ARPP21: variants seen among roughly 807,000 people sequenced by gnomAD.
ARPP21 encodes cAMP-regulated phosphoprotein 21.
Under a neutral mutation model 113.2 loss-of-function variants are expected in ARPP21, and 69 were observed. The ratio of observed to expected loss-of-function variants is 0.61; its 90% CI spans 0.50 to 0.74. The LOEUF (loss-of-function observed/expected upper bound fraction) is 0.74. ARPP21 is among the 30% of genes least tolerant of loss of function. The probability of loss-of-function intolerance (pLI) is 0.00; values close to 1 mark genes in which losing one functional copy is unlikely to be tolerated. For missense variants in ARPP21, 1,070 were observed against 1,037.4 expected (o/e 1.03, Z -0.43); for synonymous variants, 368 against 375.5 (o/e 0.98, Z 0.23).
chr3:35,722,793 C>G (rs555905832), intron 14 of ARPP21, among the ~76,000 whole-genome samples: 10 of 152,252 alleles, frequency 6.6e-5, no homozygotes, highest in Admixed American at 2.0e-4. Context: ...CTGCAAAATG[C>G]CCTCATGGTC....
rs146550436 is a variant in ARPP21, at chr3:35,656,111, A to G, written c.-213+15713A>G. On this transcript the variant is annotated intron_variant, in intron 1 of 20. Transcript: ENST00000684406. ...CATTTAAAAATTATTTTTAAAACAT[A>G]TTTTTAAAGGAGTAGATGAGGATAG... is the stretch of plus-strand genomic sequence containing the variant. Among the ~76,000 whole-genome samples the G allele has an allele frequency of 5.4e-3, 826 of 152,186 alleles. 2 individuals carry two copies. Among genetic ancestry groups the G allele is most frequent in the Non-Finnish European group, 7.9e-3 (535 of 67,966 alleles).
At chr3:35,720,721 A>G (rs891152945) in intron 13 of ARPP21, among the ~76,000 whole-genome samples, 3 of 152,220 alleles carry the variant, frequency 2.0e-5, no homozygotes, top group African/African-American at 7.2e-5. Flanking sequence ...ATTTCGTCAA[A>G]TTTCTCTATA....
In ARPP21 at chr3:35,790,950, G is replaced by A. The variant is rs1194223847; in HGVS notation, c.2138-1432G>A. On this transcript the variant is annotated intron_variant, in intron 19 of 20. Transcript: ENST00000684406. ...ACACTGGTTCCACTTGCCAATTGTAGGCATAGGGCAGACCTCTCAAATTGG... is the reference window on the plus strand; with the variant it reads ...ACACTGGTTCCACTTGCCAATTGTAAGCATAGGGCAGACCTCTCAAATTGG... 4.6e-5 allele frequency among the ~76,000 whole-genome samples: 7 copies of A among 152,188 alleles called. No homozygotes were observed. In the East Asian group the frequency reaches 1.2e-3, roughly 25 times the overall value.
chr3:35,740,569 C>G (rs991030334), intron 18 of ARPP21, among the ~76,000 whole-genome samples: 2 of 152,100 alleles, frequency 1.3e-5, no homozygotes, highest in Non-Finnish European at 2.9e-5. Context: ...TGTAATATCT[C>G]TTCAGAAGTG....
chr3:35,671,112 C>T (rs1239859445), intron 1 of ARPP21, among the ~76,000 whole-genome samples: 1 of 152,132 alleles, frequency 6.6e-6, no homozygotes, highest in African/African-American at 2.4e-5. Flanking sequence ...ACTCCCCTGG[C>T]TGCTTTCCTT....
At chr3:35,664,124 ACC>A (rs940076106) in intron 1 of ARPP21, among the ~76,000 whole-genome samples, 7 of 152,090 alleles carry the variant, frequency 4.6e-5, no homozygotes, top group African/African-American at 1.4e-4. Flanking sequence ...TCTTAATAGA[ACC>A]CTGTGACTTG....
chr3:35,652,128 A>G (rs992538814), intron 1 of ARPP21, among the ~76,000 whole-genome samples: 8 of 152,096 alleles, frequency 5.3e-5, no homozygotes, highest in African/African-American at 1.9e-4. Context: ...GATTCCATGC[A>G]GTATTTTATA....
intron 1 of ARPP21, chr3:35,640,911 T>C (rs1697842688): frequency 6.6e-6 from 1 of 152,108 alleles, no homozygotes; most frequent in South Asian, 2.1e-4. Flanking sequence ...TAGAATTGAG[T>C]TGAATTAGGC....
At chr3:35,684,813 G>T in intron 5 of ARPP21, 1 of 983,116 alleles carries the variant, frequency 1.0e-6, no homozygotes, top group Non-Finnish European at 1.2e-6. Context: ...TTTTTTTCTA[G>T]CATCATTTTC....
chr3:35,675,875 C>T (rs904322708), intron 1 of ARPP21, among the ~76,000 whole-genome samples: 2 of 151,780 alleles, frequency 1.3e-5, no homozygotes, highest in Middle Eastern at 3.4e-3. Flanking sequence ...AAGTACTAAC[C>T]ATGGAATGTT....
At chr3:35,782,772 C>G (rs1331235309) in intron 19 of ARPP21, among the ~76,000 whole-genome samples, 4 of 152,104 alleles carry the variant, frequency 2.6e-5, no homozygotes, top group Non-Finnish European at 5.9e-5. Flanking sequence ...TACATTTATA[C>G]CATGTTAAAA....
chr3:35,734,246 A>G (rs945448083), intron 15 of ARPP21, among the ~76,000 whole-genome samples: 3 of 152,326 alleles, frequency 2.0e-5, no homozygotes, highest in Middle Eastern at 3.4e-3. Context: ...CAAATGAAAC[A>G]CAAGAAAATT....
At chr3:35,763,210 G>A (rs1263548762) in intron 19 of ARPP21, among the ~76,000 whole-genome samples, 3 of 152,000 alleles carry the variant, frequency 2.0e-5, no homozygotes, top group South Asian at 2.1e-4. Context: ...CACTCTTCAG[G>A]TGCGTTAAAA....
intron 19 of ARPP21, among the ~76,000 whole-genome samples, chr3:35,772,585 A>G (rs927439302): frequency 8.5e-5 from 13 of 152,168 alleles, no homozygotes; most frequent in Admixed American, 7.2e-4. Context: ...ATGAGTCAGC[A>G]TCCTCCTGGG....
intron 5 of ARPP21, chr3:35,684,429 T>C (rs1196947980): frequency 1.0e-6 from 1 of 974,040 alleles, no homozygotes; most frequent in Non-Finnish European, 1.2e-6. Flanking sequence ...TACAGCAAGA[T>C]TAGTAGGTTA....
chr3:35,778,054 G>A (rs749069644), intron 19 of ARPP21, among the ~76,000 whole-genome samples: 14 of 152,070 alleles, frequency 9.2e-5, no homozygotes, highest in Non-Finnish European at 1.3e-4. Flanking sequence ...CATATTACCA[G>A]GTGTTAAAAA....
chr3:35,707,306 G>A (rs1334422238), intron 10 of ARPP21: 1 of 638,542 alleles, frequency 1.6e-6, no homozygotes, highest in African/African-American at 1.8e-5. Flanking sequence ...GCTCTGTGTT[G>A]GGCTGCATGG....
intron 9 of ARPP21, among the ~76,000 whole-genome samples, chr3:35,694,040 C>T (rs2083053669): frequency 6.6e-6 from 1 of 151,558 alleles, no homozygotes; most frequent in African/African-American, 2.4e-5. Context: ...TTCAATACTA[C>T]TCTGACATCA....
chr3:35,770,492 C>T (rs1214467402), intron 19 of ARPP21, among the ~76,000 whole-genome samples: 1 of 152,168 alleles, frequency 6.6e-6, no homozygotes, highest in Non-Finnish European at 1.5e-5. Context: ...TGGTTCTTTT[C>T]ACCACAGGCA....
Sources: gnomAD v4.1 joint callset for allele counts (sites outside exome capture counted in the v4.1 genomes callset) on GRCh38, gnomAD v4.1.1 for gene constraint, MANE v1.5 for transcripts, NCBI Gene and HGNC (gene_info 2026-07-23, HGNC 2026-07-21) for gene names.